The following ANOS1 variants were observed in gnomAD, a reference collection of about 807,000 sequenced individuals.
ANOS1 encodes the protein anosmin 1, also known as anosmin-1.
In ANOS1, 6 loss-of-function variants were observed where a neutral mutation model predicts 59.0. The observed-to-expected ratio is 0.10, with a 90% CI of 0.06 to 0.20. ANOS1 has a LOEUF of 0.20. ANOS1 is among the 10% of genes least tolerant of loss of function. ANOS1 has a pLI of 1.00. For missense variants in ANOS1, 433 were observed against 542.3 expected, an observed-to-expected ratio of 0.80 and a Z score of 2.00; for synonymous variants, 217 against 223.4, an observed-to-expected ratio of 0.97 and a Z score of 0.25.
At chrX:8,576,491 T>TACACACACACACACACAC (rs769843705) in intron 6 of ANOS1, among the ~76,000 whole-genome samples, 1 of 93,475 alleles carries the variant, frequency 1.1e-5, no homozygotes, top group Non-Finnish European at 2.2e-5. Context: ...CACACACACA[T>TACACACACACACACACAC]ACACACACAC....
chrX:8,576,454 T>TTATA (rs534495526), intron 6 of ANOS1, among the ~76,000 whole-genome samples: 11 of 97,634 alleles, frequency 1.1e-4, no homozygotes, highest in South Asian at 4.8e-4. Flanking sequence ...CATGTGAAAT[T>TTATA]TATATATATA....
intron 2 of ANOS1, among the ~76,000 whole-genome samples, chrX:8,698,739 T>G (rs923971857): frequency 1.8e-5 from 2 of 111,893 alleles, no homozygotes; most frequent in Non-Finnish European, 3.8e-5. Flanking sequence ...CTCTGTTCTA[T>G]TTTAAAGTAA....
In ANOS1 at chrX:8,587,797, G is replaced by A. The variant is rs756066919; in HGVS notation, c.723C>T (p.Ala241=). ...EDDATHWQTV[A]QTTDERVQLT... ...AAAGTCTATATGAGGTTCTTACCTG[G>A]GCCACTGTCTGCCAGTGAGTGGCGT... Residue 241 remains alanine (A), a synonymous_variant, in exon 5 of 14, where the codon GCC becomes GCT. Transcript: ENST00000262648. 8.4e-7 allele frequency: 1 copy of A among 1,196,999 alleles called. No homozygotes were observed. The highest frequency in any genetic ancestry group is 3.0e-5 in the East Asian group (1 of 33,401).
At chrX:8,726,820 C>T (rs1312104124) in intron 1 of ANOS1, among the ~76,000 whole-genome samples, 2 of 112,201 alleles carry the variant, frequency 1.8e-5, no homozygotes, top group Non-Finnish European at 3.8e-5. Context: ...TATAAAGAGA[C>T]AGGGCTTATC....
intron 1 of ANOS1, among the ~76,000 whole-genome samples, chrX:8,701,455 C>G (rs780412488): frequency 8.9e-6 from 1 of 112,250 alleles, no homozygotes; most frequent in Non-Finnish European, 1.9e-5. Flanking sequence ...GAAAGCTATG[C>G]AACCAACACC....
At chrX:8,690,528 G>A (rs112699280) in intron 2 of ANOS1, among the ~76,000 whole-genome samples, 1,953 of 111,763 alleles carry the variant, frequency 0.017, 47 homozygotes, top group African/African-American at 0.061. Context: ...GGGGCATGGT[G>A]CATTTTCATG....
chrX:8,609,178 G>T (rs1009643327), intron 3 of ANOS1, among the ~76,000 whole-genome samples: 8 of 111,688 alleles, frequency 7.2e-5, no homozygotes, highest in Non-Finnish European at 1.3e-4. Context: ...CAAAATGGAT[G>T]CCCCTTTATC....
chrX:8,646,807 C>T (rs986562030), intron 2 of ANOS1, among the ~76,000 whole-genome samples: 2 of 108,401 alleles, frequency 1.8e-5, no homozygotes, highest in African/African-American at 6.7e-5. Flanking sequence ...GTGGTGCACG[C>T]CTGTAATCCC....
intron 6 of ANOS1, among the ~76,000 whole-genome samples, chrX:8,581,230 C>T (rs763280483): frequency 9.0e-6 from 1 of 110,928 alleles, no homozygotes; most frequent in South Asian, 3.9e-4. Flanking sequence ...GTGCTATTCT[C>T]GTGATAGTGA....
At chrX:8,622,933 T>C (rs769751038) in intron 3 of ANOS1, among the ~76,000 whole-genome samples, 4 of 111,809 alleles carry the variant, frequency 3.6e-5, no homozygotes, top group African/African-American at 1.3e-4. Context: ...GGTGGATGGC[T>C]GGATGGATGA....
rs189439633 is a variant in ANOS1 at position 8,680,574 on chromosome X, T to G, written c.255+19124A>C. Among the ~76,000 whole-genome samples, 5 of 111,493 alleles carry G rather than the reference T, an allele frequency of 4.5e-5. No homozygotes were observed. The East Asian group carries it at 1.4e-3, about 31-fold the overall frequency. On this transcript the variant is annotated intron_variant, in intron 2 of 13. Transcript: ENST00000262648. ...GATATCCCAGGAAGACATAAGGCAA[T>G]CTAATCAACTGTGCTTATTTCTCCT...
At chrX:8,557,937 A>G (rs1172301787) in intron 8 of ANOS1, among the ~76,000 whole-genome samples, 1 of 112,177 alleles carries the variant, frequency 8.9e-6, no homozygotes, top group Non-Finnish European at 1.9e-5. Context: ...ATTCCCATCA[A>G]TGATAGACTG....
At chrX:8,708,396 G>A (rs1264147635) in intron 1 of ANOS1, among the ~76,000 whole-genome samples, 1 of 111,424 alleles carries the variant, frequency 9.0e-6, no homozygotes, top group East Asian at 2.8e-4. Context: ...GAATCTACAA[G>A]GAACTTAAAC....
At chrX:8,615,699 C>T (rs890872483) in intron 3 of ANOS1, among the ~76,000 whole-genome samples, 6 of 111,395 alleles carry the variant, frequency 5.4e-5, no homozygotes, top group Non-Finnish European at 7.5e-5. Flanking sequence ...GTTCCATAGA[C>T]GCCATTTTCA....
At chrX:8,628,549 C>G (rs765746378) in intron 2 of ANOS1, among the ~76,000 whole-genome samples, 1 of 111,952 alleles carries the variant, frequency 8.9e-6, no homozygotes, top group Non-Finnish European at 1.9e-5. Context: ...CCACATCTCT[C>G]TTCCACGAGA....
intron 3 of ANOS1, among the ~76,000 whole-genome samples, chrX:8,604,117 C>A (rs1930894883): frequency 9.0e-6 from 1 of 111,715 alleles, no homozygotes; most frequent in East Asian, 2.8e-4. Flanking sequence ...ATAACATAGC[C>A]CAAATCACAA....
chrX:8,688,843 T>C (rs939346368), intron 2 of ANOS1, among the ~76,000 whole-genome samples: 4 of 112,116 alleles, frequency 3.6e-5, no homozygotes, highest in Non-Finnish European at 5.6e-5. Context: ...ACCTGGAATG[T>C]TTCAGCTACC....
At position 8,727,665 on chromosome X, in the gene ANOS1, C is replaced by T. The variant is rs1429968017; in HGVS notation, c.207+4165G>A. Among the ~76,000 whole-genome samples the T allele has an allele frequency of 8.9e-5, 10 of 112,190 alleles. No homozygotes were observed. The East Asian group carries it at 2.8e-3, about 32-fold the overall frequency. Reference sequence around the variant, plus strand: ...GCAGCAGGCAAAAGAGGGGACCTGGCCAGCATCATGCCTGAGCACATGTGT... The same window carrying T: ...GCAGCAGGCAAAAGAGGGGACCTGGTCAGCATCATGCCTGAGCACATGTGT... On this transcript the variant is annotated intron_variant, in intron 1 of 13. Coordinates refer to ENST00000262648, the MANE Select transcript of ANOS1 (RefSeq NM_000216.4).
intron 1 of ANOS1, among the ~76,000 whole-genome samples, chrX:8,718,516 CACA>C (rs1192173880): frequency 8.9e-6 from 1 of 112,468 alleles, no homozygotes; most frequent in Non-Finnish European, 1.9e-5. Context: ...AAAACATGTT[CACA>C]ACAACTGGCC....
Sources: gnomAD v4.1 joint callset for allele counts (sites outside exome capture counted in the v4.1 genomes callset) on GRCh38, gnomAD v4.1.1 for gene constraint, MANE v1.5 for transcripts, NCBI Gene and HGNC (gene_info 2026-07-23, HGNC 2026-07-21) for gene names.